AUTS2: variants seen among roughly 807,000 people sequenced by gnomAD.
The protein encoded by AUTS2 is autism susceptibility gene 2 protein.
In AUTS2, 17 loss-of-function variants were observed where a neutral mutation model predicts 112.4. The observed-to-expected ratio is 0.15, with a 90% CI of 0.10 to 0.23. AUTS2 has a LOEUF of 0.23. AUTS2 is among the 10% of genes least tolerant of loss of function. AUTS2 has a pLI of 1.00. For missense variants in AUTS2, 1,510 were observed against 1,701.6 expected, an observed-to-expected ratio of 0.89 and a Z score of 1.98; for synonymous variants, 751 against 702.7, an observed-to-expected ratio of 1.07 and a Z score of -1.09.
intron 4 of AUTS2, among the ~76,000 whole-genome samples, chr7:70,363,270 G>A (rs979966895): frequency 7.2e-5 from 11 of 151,882 alleles, no homozygotes; most frequent in Non-Finnish European, 1.5e-5. Flanking sequence ...GATGACTATT[G>A]GATTTCCTTA....
chr7:70,283,449 A>G (rs753905893), intron 4 of AUTS2, among the ~76,000 whole-genome samples: 23 of 152,276 alleles, frequency 1.5e-4, no homozygotes, highest in Non-Finnish European at 2.6e-4. Flanking sequence ...CTGACATGCC[A>G]TTGATGTTAA....
chr7:70,115,871 T>G (rs1805332586), intron 2 of AUTS2, among the ~76,000 whole-genome samples: 1 of 151,604 alleles, frequency 6.6e-6, no homozygotes, highest in African/African-American at 2.4e-5. Flanking sequence ...ACAGAGGAGG[T>G]AAGATCTGAG....
chr7:70,435,988 G>C, intron 5 of AUTS2: 2 of 505,370 alleles, frequency 4.0e-6, no homozygotes, highest in Non-Finnish European at 7.0e-6. Flanking sequence ...ATTTAAACAA[G>C]ACCTTTAATA....
chr7:69,777,726 G>A (rs772726219), intron 1 of AUTS2, among the ~76,000 whole-genome samples: 8 of 152,038 alleles, frequency 5.3e-5, no homozygotes, highest in South Asian at 2.1e-4. Flanking sequence ...TTAGGCTTCC[G>A]AGAAAACTTT....
intron 2 of AUTS2, among the ~76,000 whole-genome samples, chr7:69,946,732 AT>A (rs200969826): frequency 0.012 from 1,774 of 152,270 alleles, 25 homozygotes; most frequent in South Asian, 0.036. Flanking sequence ...AATATATCAC[AT>A]TTTGTTTATC....
In AUTS2 at chr7:70,790,146, G is replaced by C. The variant is rs757333667; in HGVS notation, c.2930G>C (p.Ser977Thr). The change falls in exon 19 of 19, where the codon AGC (serine) becomes ACC (threonine). Residue 977 changes from serine to threonine, a missense_variant. This residue lies in a region of AUTS2 where 788 missense variants were observed against 797.6 expected (regional missense o/e 0.99). Transcript: ENST00000342771. The surrounding 1 kb of genome is among the most constrained non-coding windows in gnomAD (Gnocchi z 7.6). ...CCGGCCTACGAGAACCCCAAGAAGA[G>C]CTCCGAGGTCAAGGTGAAGGAGGAG... Reference protein sequence around the residue: ...GEPAYENPKKSSEVKVKEERK... With the variant: ...GEPAYENPKKTSEVKVKEERK... The C allele has an allele frequency of 6.2e-7, 1 of 1,610,450 alleles. No individual in the cohort carries two copies.
chr7:69,831,372 A>G (rs1174876485), intron 1 of AUTS2, among the ~76,000 whole-genome samples: 1 of 152,110 alleles, frequency 6.6e-6, no homozygotes, highest in African/African-American at 2.4e-5. Flanking sequence ...CCAGGACTTC[A>G]TCCTGTGGAC....
intron 4 of AUTS2, among the ~76,000 whole-genome samples, chr7:70,365,466 T>A (rs1792527243): frequency 6.6e-6 from 1 of 152,176 alleles, no homozygotes; most frequent in Non-Finnish European, 1.5e-5. Flanking sequence ...AATATTATAT[T>A]CCAATGACAC....
chr7:70,187,297 GA>G (rs1238646543), intron 4 of AUTS2, among the ~76,000 whole-genome samples: 2 of 152,104 alleles, frequency 1.3e-5, no homozygotes, highest in African/African-American at 4.8e-5. Flanking sequence ...AGGAAATGTT[GA>G]TCACTTTTTG....
chr7:70,230,109 A>T (rs1384857447), intron 4 of AUTS2, among the ~76,000 whole-genome samples: 1 of 152,070 alleles, frequency 6.6e-6, no homozygotes. Flanking sequence ...TCCTTTTGGA[A>T]TGGTAAAATT....
chr7:69,684,237 A>G (rs549939325), intron 1 of AUTS2, among the ~76,000 whole-genome samples: 51 of 152,164 alleles, frequency 3.4e-4, no homozygotes, highest in Non-Finnish European at 6.8e-4. Context: ...TGTTTTGATA[A>G]TCCACATGTG....
At chr7:70,048,124 T>C (rs1801587199) in intron 2 of AUTS2, among the ~76,000 whole-genome samples, 1 of 152,160 alleles carries the variant, frequency 6.6e-6, no homozygotes, top group African/African-American at 2.4e-5. Context: ...CCAAACACCT[T>C]AGCATGCCTT....
chr7:70,650,946 C>T (rs1806471619), intron 5 of AUTS2, among the ~76,000 whole-genome samples: 1 of 152,004 alleles, frequency 6.6e-6, no homozygotes. Context: ...ATGGCTGAGG[C>T]CCAAGAGAAT....
chr7:69,615,214 A>G (rs2851510), intron 1 of AUTS2, among the ~76,000 whole-genome samples: 93,619 of 152,032 alleles, frequency 0.62, 29,141 homozygotes, highest in East Asian at 0.7. Flanking sequence ...AAAGAAACAT[A>G]GTGTGAAGAT....
At chr7:69,696,118 T>C (rs1797550987) in intron 1 of AUTS2, among the ~76,000 whole-genome samples, 1 of 152,230 alleles carries the variant, frequency 6.6e-6, no homozygotes, top group Admixed American at 6.5e-5. Flanking sequence ...CTTTTTGCGA[T>C]TTCTCCAGCC....
chr7:70,550,015 G>C lies in AUTS2; in HGVS notation c.690+114234G>C, dbSNP rs148740972. On this transcript the variant is annotated intron_variant, in intron 5 of 18. Coordinates refer to ENST00000342771, the MANE Select transcript of AUTS2 (RefSeq NM_015570.4). ...TTAGGAAAGGTGTTAGAGAAGAGAC[G>C]AAGTAGGACTTGAACATAAAGGATG... is the stretch of plus-strand genomic sequence containing the variant. Among the ~76,000 whole-genome samples, 72 of 152,340 alleles carry C rather than the reference G, an allele frequency of 4.7e-4. 1 individual carries two copies. The East Asian group carries it at 0.014, about 29-fold the overall frequency.
intron 1 of AUTS2, among the ~76,000 whole-genome samples, chr7:69,781,991 C>T (rs916252947): frequency 2.0e-5 from 3 of 152,148 alleles, no homozygotes; most frequent in Non-Finnish European, 2.9e-5. Context: ...CAGAATAACC[C>T]GAGGGAACTT....
chr7:69,820,513 G>C (rs753556921), intron 1 of AUTS2, among the ~76,000 whole-genome samples: 2 of 152,204 alleles, frequency 1.3e-5, no homozygotes, highest in Non-Finnish European at 2.9e-5. Context: ...TCCTGCTTTA[G>C]GTTCATCAGT....
chr7:69,668,909 G>C (rs185991026), intron 1 of AUTS2, among the ~76,000 whole-genome samples: 29 of 152,030 alleles, frequency 1.9e-4, no homozygotes, highest in Admixed American at 1.7e-3. Flanking sequence ...GATCACATAT[G>C]TAAAAATCAT....
Sources: gnomAD v4.1 joint callset for allele counts (sites outside exome capture counted in the v4.1 genomes callset) on GRCh38, gnomAD v4.1.1 for gene constraint, gnomAD v4.1.1 regional missense constraint, Gnocchi (gnomAD v3.1) non-coding constraint, MANE v1.5 for transcripts, NCBI Gene and HGNC (gene_info 2026-07-23, HGNC 2026-07-21) for gene names.